The following TMEM114 variants were observed in gnomAD, a reference collection of about 807,000 sequenced individuals.
The protein encoded by TMEM114 is transmembrane protein 114, also known as claudin-26.
Under a neutral mutation model 6.2 loss-of-function variants are expected in TMEM114, and 6 were observed. The observed-to-expected ratio is 0.97, with a 90% CI of 0.53 to 1.91. TMEM114 has a LOEUF of 1.91. Ranked by LOEUF, TMEM114 falls within the 40% of genes most tolerant of loss-of-function variation. The probability of loss-of-function intolerance (pLI) is 0.01; values close to 1 mark genes in which losing one functional copy is unlikely to be tolerated. For missense variants in TMEM114, 218 were observed against 158.3 expected (o/e 1.38, Z -2.02); for synonymous variants, 104 against 73.0 (o/e 1.42, Z -2.16).
At chr16:8,557,619 T>A (rs1901056773) in intron 2 of TMEM114, among the ~76,000 whole-genome samples, 1 of 152,202 alleles carries the variant, frequency 6.6e-6, no homozygotes, top group African/African-American at 2.4e-5. Context: ...ATGTGGCCCT[T>A]AAGAACACAG....
the TMEM114 span, among the ~76,000 whole-genome samples, chr16:8,531,134 G>A: frequency 6.6e-6 from 1 of 152,152 alleles, no homozygotes; most frequent in Non-Finnish European, 1.5e-5. Context: ...AAAATATTTT[G>A]AAAATGTAGA....
At chr16:8,533,586 C>A (rs1019319429), downstream of TMEM114, among the ~76,000 whole-genome samples, 1 of 152,210 alleles carries the variant, frequency 6.6e-6, no homozygotes, top group South Asian at 2.1e-4. Flanking sequence ...GAGCTTTAAA[C>A]AACCAAGTGG....
intron 2 of TMEM114, among the ~76,000 whole-genome samples, chr16:8,583,810 G>A (rs142328341): frequency 2.6e-5 from 4 of 151,242 alleles, no homozygotes; most frequent in South Asian, 2.1e-4. Flanking sequence ...TGATGTAGGC[G>A]CGTGTGGGTT....
chr16:8,550,509 T>C (rs1900806388), intron 2 of TMEM114, among the ~76,000 whole-genome samples: 1 of 151,934 alleles, frequency 6.6e-6, no homozygotes, highest in East Asian at 1.9e-4. Context: ...TGAAACCCCA[T>C]CTCTACTAAA....
At chr16:8,537,478 G>A (rs1208253611), downstream of TMEM114, 1 of 152,152 alleles carries the variant, frequency 6.6e-6, no homozygotes, top group African/African-American at 2.4e-5. Flanking sequence ...CCCAGCCTGG[G>A]TGACAGAGTG....
intron 2 of TMEM114, among the ~76,000 whole-genome samples, chr16:8,553,856 T>C (rs369891630): frequency 4.6e-5 from 7 of 151,816 alleles, no homozygotes; most frequent in African/African-American, 9.7e-5. Flanking sequence ...CACACCACTA[T>C]GGCTGCTAAT....
At chr16:8,558,388 C>T (rs148839470) in intron 2 of TMEM114, among the ~76,000 whole-genome samples, 1 of 152,196 alleles carries the variant, frequency 6.6e-6, no homozygotes, top group African/African-American at 2.4e-5. Flanking sequence ...GTGGCAGCAT[C>T]TCTCCAACCC....
At chr16:8,578,205 G>A (rs1472192335) in intron 2 of TMEM114, among the ~76,000 whole-genome samples, 2 of 152,156 alleles carry the variant, frequency 1.3e-5, no homozygotes, top group Admixed American at 1.3e-4. Flanking sequence ...AACACATGAA[G>A]GCAAACTGGG....
At chr16:8,559,194 C>T (rs1296293778) in intron 2 of TMEM114, among the ~76,000 whole-genome samples, 5 of 151,846 alleles carry the variant, frequency 3.3e-5, no homozygotes, top group African/African-American at 1.2e-4. Flanking sequence ...ACGCATGCGC[C>T]ACTACGCCCG....
intron 2 of TMEM114, among the ~76,000 whole-genome samples, chr16:8,539,604 G>A (rs2141647462): frequency 6.6e-6 from 1 of 152,188 alleles, no homozygotes; most frequent in South Asian, 2.1e-4. Flanking sequence ...ATCCCATCCT[G>A]GGATTCGGGG....
chr16:8,569,643 G>C lies in TMEM114; in HGVS notation c.*130C>G, dbSNP rs1005704588. 1.4e-6 allele frequency: 2 copies of C among 1,439,014 alleles called. No individual in the cohort carries two copies. Among genetic ancestry groups the C allele is most frequent in the South Asian group, 1.5e-5 (1 of 67,528 alleles). The allele number at this position is 1,439,014 out of a possible 1,614,324, so 89.1% of individuals were successfully genotyped here. The stretch of plus-strand genomic sequence containing the variant: ...CCAAGCTTAGTCCGCGGGGATTTGT[G>C]GGGGAAGGAGGGGGGTGCCTGGCCT... On this transcript the variant is annotated 3_prime_UTR_variant, in exon 4 of 4. Transcript: ENST00000620492.
the TMEM114 span, among the ~76,000 whole-genome samples, chr16:8,529,947 G>C: frequency 6.6e-6 from 1 of 152,126 alleles, no homozygotes; most frequent in Non-Finnish European, 1.5e-5. Context: ...CTAAGTGATG[G>C]AATGCACATC....
chr16:8,551,072 T>A (rs1473030806), intron 2 of TMEM114, among the ~76,000 whole-genome samples: 1 of 152,234 alleles, frequency 6.6e-6, no homozygotes, highest in East Asian at 1.9e-4. Flanking sequence ...CTCTTCCTTG[T>A]TCTACTGAGC....
intron 2 of TMEM114, among the ~76,000 whole-genome samples, chr16:8,551,742 A>T (rs750211436): frequency 6.6e-6 from 1 of 152,236 alleles, no homozygotes; most frequent in Non-Finnish European, 1.5e-5. Flanking sequence ...AAAATTTAAC[A>T]GTGTGTTTCT....
At chr16:8,555,252 T>A (rs1900971834) in intron 2 of TMEM114, among the ~76,000 whole-genome samples, 1 of 152,182 alleles carries the variant, frequency 6.6e-6, no homozygotes, top group Admixed American at 6.5e-5. Flanking sequence ...CAGGAAGGAA[T>A]TCAAGAGCAA....
chr16:8,528,604 C>G, the TMEM114 span, among the ~76,000 whole-genome samples: 2 of 152,332 alleles, frequency 1.3e-5, no homozygotes, highest in African/African-American at 4.8e-5. Flanking sequence ...TCTCTCTTCA[C>G]TCTGTTAACA....
At chr16:8,549,446 G>C (rs1293527495) in intron 2 of TMEM114, among the ~76,000 whole-genome samples, 1 of 142,106 alleles carries the variant, frequency 7.0e-6, no homozygotes, top group Non-Finnish European at 1.5e-5. Context: ...GTTGCAGTGA[G>C]CCACGATTGA....
intron 2 of TMEM114, among the ~76,000 whole-genome samples, chr16:8,580,347 C>T (rs77140386): frequency 1.3e-3 from 193 of 152,028 alleles, no homozygotes; most frequent in African/African-American, 4.1e-3. Flanking sequence ...ATTAGCTGGA[C>T]GTGGTGATGT....
At chr16:8,554,697 A>G (rs1900951826) in intron 2 of TMEM114, among the ~76,000 whole-genome samples, 1 of 152,184 alleles carries the variant, frequency 6.6e-6, no homozygotes, top group Admixed American at 6.5e-5. Flanking sequence ...AAATCCTGGA[A>G]ATGAGTCAAA....
Sources: allele counts gnomAD v4.1 joint callset (sites outside exome capture counted in the v4.1 genomes callset), GRCh38; gene constraint gnomAD v4.1.1; transcripts MANE v1.5; gene names NCBI Gene and HGNC (gene_info 2026-07-23, HGNC 2026-07-21).